RFWD3: variants seen among roughly 807,000 people sequenced by gnomAD.
The protein encoded by RFWD3 is ring finger and WD repeat domain 3.
RFWD3 carries 65 observed loss-of-function variants against 87.7 expected under a neutral mutation model. The ratio of observed to expected loss-of-function variants is 0.74; its 90% confidence interval spans 0.61 to 0.91. The LOEUF (loss-of-function observed/expected upper bound fraction) is 0.91, where lower values mean the gene tolerates loss of function less well. RFWD3 is among the 40% of genes least tolerant of loss of function. RFWD3 has a pLI of 0.00. For synonymous variants in RFWD3, 433 were observed against 352.8 expected, an observed-to-expected ratio of 1.23 and a Z score of -2.55; for missense variants, 1,078 against 938.5, an observed-to-expected ratio of 1.15 and a Z score of -1.94.
At chr16:74,634,859 T>C (rs905989991) in intron 8 of RFWD3, among the ~76,000 whole-genome samples, 4 of 151,358 alleles carry the variant, frequency 2.6e-5, no homozygotes, top group Non-Finnish European at 5.9e-5. Context: ...ATCAACAAGG[T>C]GGCCAGGCAT....
At chr16:74,663,998 A>G (rs1961676832) in intron 1 of RFWD3, among the ~76,000 whole-genome samples, 1 of 152,224 alleles carries the variant, frequency 6.6e-6, no homozygotes, top group African/African-American at 2.4e-5. Context: ...TTCTCCCCCT[A>G]TGCACGAGAA....
intron 2 of RFWD3, among the ~76,000 whole-genome samples, chr16:74,656,946 T>C (rs940527015): frequency 6.6e-6 from 1 of 152,244 alleles, no homozygotes; most frequent in East Asian, 1.9e-4. Flanking sequence ...ACTTAGAAGA[T>C]GTGACTGAAT....
intron 4 of RFWD3, among the ~76,000 whole-genome samples, chr16:74,644,952 A>C (rs1244418852): frequency 6.6e-6 from 1 of 152,234 alleles, no homozygotes; most frequent in Non-Finnish European, 1.5e-5. Context: ...AATCTTATAA[A>C]ATTCTTGGAT....
At chr16:74,657,810 A>G (rs1474584960) in intron 2 of RFWD3, among the ~76,000 whole-genome samples, 1 of 152,144 alleles carries the variant, frequency 6.6e-6, no homozygotes, top group Non-Finnish European at 1.5e-5. Flanking sequence ...CAAGTTTACC[A>G]ACTCCATTTC....
At chr16:74,657,807 A>G (rs1961116576) in intron 2 of RFWD3, among the ~76,000 whole-genome samples, 1 of 152,136 alleles carries the variant, frequency 6.6e-6, no homozygotes, top group South Asian at 2.1e-4. Context: ...AAGCAAGTTT[A>G]CCAACTCCAT....
intron 10 of RFWD3, 139 bp downstream of exon 10, chr16:74,630,642 G>T (rs889044947): frequency 7.1e-5 from 42 of 595,072 alleles, no homozygotes; most frequent in Middle Eastern, 4.5e-4. Context: ...TATTGATTCT[G>T]AAGTGAGATC....
chr16:74,627,950 G>C (rs935709139), intron 11 of RFWD3, among the ~76,000 whole-genome samples: 1 of 152,212 alleles, frequency 6.6e-6, no homozygotes, highest in African/African-American at 2.4e-5. Flanking sequence ...AAGAACCTGT[G>C]AATGAAGCAC....
chr16:74,643,684 T>C (rs1396161683), intron 6 of RFWD3, among the ~76,000 whole-genome samples: 8 of 136,322 alleles, frequency 5.9e-5, no homozygotes, highest in Non-Finnish European at 3.2e-5. Flanking sequence ...TTTTTTTTTT[T>C]TTTTTTTTTG....
At chr16:74,656,308 C>CAAAAAAAAAA (rs71158534) in intron 2 of RFWD3, among the ~76,000 whole-genome samples, 118 of 63,858 alleles carry the variant, frequency 1.8e-3, no homozygotes, top group African/African-American at 2.7e-3. Context: ...CTTGTCTTGC[C>CAAAAAAAAAA]AAAAAAAAAA....
intron 2 of RFWD3, among the ~76,000 whole-genome samples, chr16:74,655,716 G>T (rs928262453): frequency 1.3e-5 from 2 of 150,516 alleles, no homozygotes; most frequent in South Asian, 2.1e-4. Flanking sequence ...GTGGAGACGG[G>T]GTTTCACCGT....
At chr16:74,662,220 C>T (rs1961503816) in intron 1 of RFWD3, among the ~76,000 whole-genome samples, 1 of 152,142 alleles carries the variant, frequency 6.6e-6, no homozygotes, top group Non-Finnish European at 1.5e-5. Context: ...GCCTTACCTC[C>T]TCATGCATCA....
chr16:74,626,036 A>G (rs1958922796), intron 12 of RFWD3, among the ~76,000 whole-genome samples: 1 of 152,130 alleles, frequency 6.6e-6, no homozygotes, highest in African/African-American at 2.4e-5. Context: ...AAATACAAAA[A>G]TCAGTCGGGC....
At chr16:74,663,929 A>G (rs767651180) in intron 1 of RFWD3, among the ~76,000 whole-genome samples, 1 of 152,260 alleles carries the variant, frequency 6.6e-6, no homozygotes. Flanking sequence ...CCAGTAAAGC[A>G]GTTAGCTTGA....
chr16:74,646,226 A>G (rs1440080647), intron 4 of RFWD3, among the ~76,000 whole-genome samples: 1 of 152,072 alleles, frequency 6.6e-6, no homozygotes, highest in African/African-American at 2.4e-5. Context: ...AATTTAAAAA[A>G]TTAGCCATGT....
At chr16:74,641,857 C>T (rs1447215730) in intron 6 of RFWD3, among the ~76,000 whole-genome samples, 3 of 120,406 alleles carry the variant, frequency 2.5e-5, no homozygotes, top group Non-Finnish European at 4.8e-5. Context: ...ACCTGGGAGG[C>T]GGGAAGTTGT....
chr16:74,635,166 G>C (rs1228329853), intron 8 of RFWD3, among the ~76,000 whole-genome samples: 1 of 152,042 alleles, frequency 6.6e-6, no homozygotes, highest in Non-Finnish European at 1.5e-5. Flanking sequence ...TGTAGTCCCA[G>C]CTACTCAGGA....
intron 2 of RFWD3, among the ~76,000 whole-genome samples, chr16:74,656,552 G>A (rs1009034328): frequency 1.3e-5 from 2 of 151,626 alleles, no homozygotes; most frequent in African/African-American, 2.4e-5. Context: ...GCATGATATT[G>A]GCTCATTGGA....
At chr16:74,639,239 T>C (rs1014471577) in intron 6 of RFWD3, among the ~76,000 whole-genome samples, 5 of 152,170 alleles carry the variant, frequency 3.3e-5, no homozygotes, top group African/African-American at 9.7e-5. Flanking sequence ...GGTTTCACCA[T>C]GTTGCCCAGG....
chr16:74,661,452 C>A lies in RFWD3; in HGVS notation c.-2-1G>T. 1.3e-6 allele frequency: 2 copies of A among 1,590,330 alleles called. No individual in the cohort carries two copies. Among genetic ancestry groups the A allele is most frequent in the Non-Finnish European group, 1.7e-6 (2 of 1,170,474 alleles). On this transcript the variant is annotated splice_acceptor_variant, in intron 1 of 12. Transcript: ENST00000361070. LOFTEE classifies it low-confidence loss of function (5UTR_SPLICE). ...TATTCCATTGCTTCATGAGCCATCA[C>A]TAGAGAAACAGTATTTGTAAAAAGT... is the stretch of plus-strand genomic sequence containing the variant.
Sources: gnomAD v4.1 joint callset for allele counts (sites outside exome capture counted in the v4.1 genomes callset) on GRCh38, gnomAD v4.1.1 for gene constraint, MANE v1.5 for transcripts, NCBI Gene and HGNC (gene_info 2026-07-23, HGNC 2026-07-21) for gene names.